The following ARHGAP32 variants were observed in gnomAD, a reference collection of about 807,000 sequenced individuals.
ARHGAP32 encodes the protein Rho GTPase activating protein 32, also known as rho GTPase-activating protein 32.
Under a neutral mutation model 186.5 loss-of-function variants are expected in ARHGAP32, and 51 were observed. The observed-to-expected ratio is 0.27, with a 90% CI of 0.22 to 0.35. The LOEUF is 0.35. ARHGAP32 is among the 10% of genes least tolerant of loss of function. ARHGAP32 has a pLI of 1.00. For synonymous variants in ARHGAP32, 950 were observed against 964.3 expected, an observed-to-expected ratio of 0.99 and a Z score of 0.27; for missense variants, 2,186 against 2,623.5, an observed-to-expected ratio of 0.83 and a Z score of 3.64.
At chr11:129,071,450 T>C (rs1383440665) in intron 6 of ARHGAP32, among the ~76,000 whole-genome samples, 2 of 151,986 alleles carry the variant, frequency 1.3e-5, no homozygotes, top group African/African-American at 4.8e-5. Context: ...ACAGATATTA[T>C]GAAAAAATGC....
At chr11:129,005,835 A>G (rs546174234) in intron 11 of ARHGAP32, among the ~76,000 whole-genome samples, 1 of 151,980 alleles carries the variant, frequency 6.6e-6, no homozygotes, top group African/African-American at 2.4e-5. Context: ...TAAACTTTCT[A>G]CCCCTATCTC....
intron 2 of ARHGAP32, among the ~76,000 whole-genome samples, chr11:129,160,450 C>T (rs747010315): frequency 2.0e-5 from 3 of 152,126 alleles, no homozygotes; most frequent in Non-Finnish European, 4.4e-5. Context: ...CATTCCTATA[C>T]ACCAATAATA....
intron 6 of ARHGAP32, among the ~76,000 whole-genome samples, chr11:129,086,467 C>T (rs1246580235): frequency 6.6e-6 from 1 of 152,102 alleles, no homozygotes; most frequent in Non-Finnish European, 1.5e-5. Flanking sequence ...TTCTGCTCTG[C>T]AAAAGACAAT....
At chr11:129,133,651 CATCAAGTGACAAT>C (rs1353392479) in intron 2 of ARHGAP32, among the ~76,000 whole-genome samples, 2 of 152,152 alleles carry the variant, frequency 1.3e-5, no homozygotes, top group African/African-American at 4.8e-5. Flanking sequence ...CAGAAATCTG[CATCAAGTGACAAT>C]ATCCTTCAGA....
rs1943592062 is a variant in ARHGAP32, at chr11:129,164,394, ATCT to A, written c.147_149del (p.Glu49del). On this transcript the variant is annotated inframe_deletion, in exon 2 of 23. Transcript: ENST00000682385. Reference sequence around the variant, plus strand: ...TTCTATGTAGCTCTGGAACAAAATCATCTTCTTCAGAATGTACTGAGGACTTCA... The same window carrying A: ...TTCTATGTAGCTCTGGAACAAAATCATCTTCAGAATGTACTGAGGACTTCA... The A allele has an allele frequency of 1.3e-6, 2 of 1,573,488 alleles. No homozygotes were observed. The highest frequency in any genetic ancestry group is 1.7e-6 in the Non-Finnish European group (2 of 1,157,900).
At chr11:128,985,815 AGTGT>A (rs151158915) in intron 15 of ARHGAP32, 184 bp downstream of exon 15, 96 of 186,912 alleles carry the variant, frequency 5.1e-4, no homozygotes, top group Admixed American at 2.5e-3. Context: ...ACATACATAT[AGTGT>A]GTGTGTGTGT....
intron 2 of ARHGAP32, among the ~76,000 whole-genome samples, chr11:129,142,572 ATAAT>A (rs1269462393): frequency 6.6e-6 from 1 of 152,196 alleles, no homozygotes; most frequent in African/African-American, 2.4e-5. Context: ...TGAGTAGTTA[ATAAT>A]TAAGAACAAT....
At position 129,101,921 on chromosome 11, in the gene ARHGAP32, G is replaced by T. The variant is rs376684796; in HGVS notation, c.445-8214C>A. On this transcript the variant is annotated intron_variant, in intron 5 of 22. Coordinates refer to ENST00000682385, the MANE Select transcript of ARHGAP32 (RefSeq NM_001378024.1). ...CATAATTGTCAGATTCTCCAAGGTC[G>T]AAATGAAAGAAAAAATGTGAAAGGC... 2.7e-3 allele frequency among the ~76,000 whole-genome samples: 414 copies of T among 152,180 alleles called. 6 individuals are homozygous for T. The South Asian group carries it at 0.045, about 16-fold the overall frequency.
At chr11:129,131,342 A>G (rs964265199) in intron 2 of ARHGAP32, among the ~76,000 whole-genome samples, 5 of 152,250 alleles carry the variant, frequency 3.3e-5, no homozygotes, top group Non-Finnish European at 7.3e-5. Context: ...GAATTTTTAT[A>G]GAACTTTAGC....
intron 1 of ARHGAP32, among the ~76,000 whole-genome samples, chr11:129,255,353 C>T (rs2135699707): frequency 6.6e-6 from 1 of 152,104 alleles, no homozygotes; most frequent in South Asian, 2.1e-4. Context: ...GGTACTGTGA[C>T]CCCCAACTCA....
intron 11 of ARHGAP32, among the ~76,000 whole-genome samples, chr11:129,000,750 C>G (rs543219729): frequency 1.3e-5 from 2 of 152,194 alleles, no homozygotes; most frequent in African/African-American, 4.8e-5. Flanking sequence ...TTAACCATCC[C>G]TATTCCCCAC....
chr11:129,223,002 TA>T (rs1188733465), intron 1 of ARHGAP32, among the ~76,000 whole-genome samples: 1 of 152,204 alleles, frequency 6.6e-6, no homozygotes, highest in Non-Finnish European at 1.5e-5. Flanking sequence ...GCTACTTTAA[TA>T]AAACTTTTTT....
chr11:129,144,669 C>G (rs1008141934), intron 2 of ARHGAP32, among the ~76,000 whole-genome samples: 24 of 152,124 alleles, frequency 1.6e-4, no homozygotes, highest in African/African-American at 5.3e-4. Context: ...CAGAAATAGC[C>G]ATCAAATAAG....
chr11:129,208,496 A>C (rs1466840495), intron 1 of ARHGAP32, among the ~76,000 whole-genome samples: 2 of 152,208 alleles, frequency 1.3e-5, no homozygotes, highest in African/African-American at 4.8e-5. Context: ...GAACCTTCAG[A>C]TCAAACAACA....
intron 1 of ARHGAP32, among the ~76,000 whole-genome samples, chr11:129,240,009 C>A (rs1239948305): frequency 7.2e-5 from 11 of 152,120 alleles, no homozygotes; most frequent in Non-Finnish European, 1.2e-4. Flanking sequence ...AGTTACTATG[C>A]GCAGTGACAA....
At chr11:129,248,685 C>A (rs1945137324) in intron 1 of ARHGAP32, among the ~76,000 whole-genome samples, 1 of 152,172 alleles carries the variant, frequency 6.6e-6, no homozygotes, top group South Asian at 2.1e-4. Context: ...AAAATGTTAT[C>A]ACTATTATTA....
At chr11:128,981,322 A>G (rs1407731345) in intron 17 of ARHGAP32, 94 bp downstream of exon 17, 1 of 1,346,302 alleles carries the variant, frequency 7.4e-7, no homozygotes, top group Non-Finnish European at 1.0e-6. Context: ...TACCAGTGAC[A>G]CGTTTTTGTT....
At position 128,970,443 on chromosome 11, in the gene ARHGAP32, C is replaced by T. The variant is rs760023722; in HGVS notation, c.4770G>A (p.Pro1590=). ...RNTCYPEDIP[P]YPTIRRVQSL... is the part of the protein sequence containing the mutation. ...ACTGCACTCTCCGGATGGTAGGGTACGGTGGAATGTCTTCGGGGTAACAGG... is the reference window on the plus strand; with the variant it reads ...ACTGCACTCTCCGGATGGTAGGGTATGGTGGAATGTCTTCGGGGTAACAGG... The change falls in exon 23 of 23, where the codon CCG becomes CCA. Residue 1590 remains proline (P), a synonymous_variant. Transcript: ENST00000682385. This position sits in a 1 kb window ranked among gnomAD's most constrained non-coding sequence, Gnocchi z 5.8. 297 of 1,614,012 alleles carry T rather than the reference C, an allele frequency of 1.8e-4. 1 individual carries two copies. In the Admixed American group the frequency reaches 1.9e-3, roughly 10 times the overall value.
At chr11:128,976,039 T>C (rs935786285) in intron 20 of ARHGAP32, among the ~76,000 whole-genome samples, 4 of 151,646 alleles carry the variant, frequency 2.6e-5, no homozygotes, top group African/African-American at 9.7e-5. Context: ...ATTGCGCCAC[T>C]GTACTCCAAA....
Sources: gnomAD v4.1 joint callset for allele counts (sites outside exome capture counted in the v4.1 genomes callset) on GRCh38, gnomAD v4.1.1 for gene constraint, Gnocchi (gnomAD v3.1) non-coding constraint, MANE v1.5 for transcripts, NCBI Gene and HGNC (gene_info 2026-07-23, HGNC 2026-07-21) for gene names.